The following CDH4 variants were observed in gnomAD, a reference collection of about 807,000 sequenced individuals.
CDH4 encodes cadherin-4.
A neutral mutation model predicts 86.0 loss-of-function variants in CDH4; 33 were observed. The ratio of observed to expected loss-of-function variants is 0.38; its 90% confidence interval spans 0.29 to 0.51. The LOEUF (loss-of-function observed/expected upper bound fraction) is 0.51, where lower values mean the gene tolerates loss of function less well. CDH4 is among the 20% of genes least tolerant of loss of function. The probability of loss-of-function intolerance (pLI) is 0.86; values close to 1 mark genes in which losing one functional copy is unlikely to be tolerated. For missense variants in CDH4, 1,114 were observed against 1,307.4 expected (o/e 0.85, Z 2.28); for synonymous variants, 555 against 549.4 (o/e 1.01, Z -0.14).
chr20:61,539,317 A>T (rs60949740), intron 2 of CDH4, among the ~76,000 whole-genome samples: 12,098 of 152,170 alleles, frequency 0.08, 1,354 homozygotes, highest in African/African-American at 0.25. Flanking sequence ...CCAACCAAGC[A>T]CCACTCCTTG....
At chr20:61,647,562 TCCCTCTCCCTCC>T (rs1236878117) in intron 2 of CDH4, among the ~76,000 whole-genome samples, 1 of 100,244 alleles carries the variant, frequency 1.0e-5, no homozygotes, top group African/African-American at 3.8e-5. Context: ...CCTCTCCCTC[TCCCTCTCCCTCC>T]CTCCCCCTCT....
At chr20:61,853,399 G>A (rs932471489) in intron 6 of CDH4, among the ~76,000 whole-genome samples, 3 of 152,160 alleles carry the variant, frequency 2.0e-5, no homozygotes, top group African/African-American at 4.8e-5. Context: ...AAGCAAAACG[G>A]GAAGCGAGAG....
At chr20:61,666,677 C>G (rs980065664) in intron 2 of CDH4, among the ~76,000 whole-genome samples, 10 of 152,184 alleles carry the variant, frequency 6.6e-5, no homozygotes, top group African/African-American at 1.9e-4. Flanking sequence ...ATCCCATCCC[C>G]CTGCAGAGCC....
chr20:61,546,110 G>T (rs1489439553), intron 2 of CDH4, among the ~76,000 whole-genome samples: 64 of 144,634 alleles, frequency 4.4e-4, no homozygotes, highest in Middle Eastern at 4.1e-3. Context: ...GGGTGTGTGT[G>T]CATGTGTGTG....
At chr20:61,821,277 C>A (rs1322663707) in intron 4 of CDH4, among the ~76,000 whole-genome samples, 1 of 143,040 alleles carries the variant, frequency 7.0e-6, no homozygotes, top group African/African-American at 2.6e-5. Context: ...ACACAGCCCC[C>A]ACCCTAGACC....
intron 2 of CDH4, among the ~76,000 whole-genome samples, chr20:61,323,900 G>A (rs976704767): frequency 3.3e-5 from 5 of 152,156 alleles, no homozygotes; most frequent in Non-Finnish European, 4.4e-5. Flanking sequence ...GTGGAAGGAC[G>A]GAGATGATAA....
At chr20:61,769,001 A>G (rs1438141102) in intron 3 of CDH4, among the ~76,000 whole-genome samples, 1 of 152,128 alleles carries the variant, frequency 6.6e-6, no homozygotes, top group East Asian at 1.9e-4. Flanking sequence ...CAGGCGGGAG[A>G]GACCAGCCAG....
intron 2 of CDH4, among the ~76,000 whole-genome samples, chr20:61,542,637 C>T (rs2145657770): frequency 6.6e-6 from 1 of 152,244 alleles, no homozygotes; most frequent in South Asian, 2.1e-4. Flanking sequence ...ACAAAAGCCC[C>T]TAACAGCCAA....
intron 2 of CDH4, among the ~76,000 whole-genome samples, chr20:61,273,853 G>T (rs1407760244): frequency 3.3e-5 from 5 of 150,464 alleles, no homozygotes; most frequent in Non-Finnish European, 5.9e-5. Flanking sequence ...GGAGTACCAT[G>T]TGCAGTTTGG....
chr20:61,784,741 T>C (rs138784107), intron 4 of CDH4, among the ~76,000 whole-genome samples: 7 of 138,202 alleles, frequency 5.1e-5, no homozygotes, highest in African/African-American at 1.5e-4. Flanking sequence ...CGATATCCTG[T>C]GCCCCCAGGA....
At chr20:61,545,633 T>C (rs939547366) in intron 2 of CDH4, among the ~76,000 whole-genome samples, 5 of 152,236 alleles carry the variant, frequency 3.3e-5, no homozygotes, top group African/African-American at 9.6e-5. Context: ...TGTCCAGCAC[T>C]GGAGCTGCTG....
intron 7 of CDH4, among the ~76,000 whole-genome samples, chr20:61,887,102 C>A (rs1181976173): frequency 6.6e-6 from 1 of 152,152 alleles, no homozygotes; most frequent in African/African-American, 2.4e-5. Flanking sequence ...TGGGTCCTGC[C>A]CACCCACCCT....
intron 2 of CDH4, among the ~76,000 whole-genome samples, chr20:61,336,409 C>T (rs2084617242): frequency 6.6e-6 from 1 of 152,194 alleles, no homozygotes; most frequent in South Asian, 2.1e-4. Flanking sequence ...CCTGATTCCT[C>T]CTCCACCACA....
intron 2 of CDH4, among the ~76,000 whole-genome samples, chr20:61,320,801 G>A (rs1000865218): frequency 2.0e-5 from 3 of 152,038 alleles, no homozygotes; most frequent in African/African-American, 7.2e-5. Context: ...AGGGAGCAGC[G>A]TGCGCAGAGG....
chr20:61,651,184 G>A (rs2087117045), intron 2 of CDH4, among the ~76,000 whole-genome samples: 1 of 152,164 alleles, frequency 6.6e-6, no homozygotes, highest in South Asian at 2.1e-4. Flanking sequence ...GCACTGGTGT[G>A]CTTGTGTGAG....
intron 2 of CDH4, among the ~76,000 whole-genome samples, chr20:61,328,278 C>G (rs938689294): frequency 1.3e-5 from 2 of 152,064 alleles, no homozygotes; most frequent in Admixed American, 6.5e-5. Context: ...TGGGTTCAAG[C>G]GATTCTCCTG....
intron 2 of CDH4, among the ~76,000 whole-genome samples, chr20:61,445,565 C>T (rs1234591985): frequency 6.6e-6 from 1 of 152,110 alleles, no homozygotes; most frequent in Non-Finnish European, 1.5e-5. Flanking sequence ...TCCTCCCCCT[C>T]TCCCCTCCCT....
chr20:61,460,442 G>A (rs1309530801), intron 2 of CDH4, among the ~76,000 whole-genome samples: 4 of 152,262 alleles, frequency 2.6e-5, no homozygotes, highest in African/African-American at 9.6e-5. Flanking sequence ...GGGGAGGTTT[G>A]GATCCCAGTT....
rs1158334195 is a variant in CDH4 at position 61,430,552 on chromosome 20, A to G, written c.169+175615A>G. Among the ~76,000 whole-genome samples, 3 of 152,186 alleles carry G rather than the reference A, an allele frequency of 2.0e-5. No individual in the cohort carries two copies. In the East Asian group the frequency reaches 5.8e-4, roughly 29 times the overall value. On this transcript the variant is annotated intron_variant, in intron 2 of 15. Coordinates refer to ENST00000614565, the MANE Select transcript of CDH4 (RefSeq NM_001794.5). ...CTGGAATTGCCAGCAGATCCACACC[A>G]TCGACAGAACGGTGACATTTTTCAT...
Sources: gnomAD v4.1 joint callset for allele counts (sites outside exome capture counted in the v4.1 genomes callset) on GRCh38, gnomAD v4.1.1 for gene constraint, MANE v1.5 for transcripts, NCBI Gene and HGNC (gene_info 2026-07-23, HGNC 2026-07-21) for gene names.